MTMR7: variants seen among roughly 807,000 people sequenced by gnomAD.
The protein encoded by MTMR7 is myotubularin related protein 7, also known as phosphatidylinositol-3-phosphate phosphatase MTMR7.
In MTMR7, 76 loss-of-function variants were observed where a neutral mutation model predicts 81.2. The ratio of observed to expected loss-of-function variants is 0.94; its 90% CI spans 0.78 to 1.13. The LOEUF is 1.13. Ranked by LOEUF, MTMR7 falls within the 50% of genes most tolerant of loss-of-function variation. MTMR7 has a pLI of 0.00. For synonymous variants in MTMR7, 372 were observed against 289.8 expected (o/e 1.28, Z -2.88); for missense variants, 1,044 against 820.0 (o/e 1.27, Z -3.34).
intron 4 of MTMR7, chr8:17,349,348 G>C: frequency 3.4e-6 from 1 of 297,908 alleles, no homozygotes; most frequent in Non-Finnish European, 6.4e-6. Context: ...CTTTGTGCAA[G>C]ACCAGTGACA....
chr8:17,347,439 G>A (rs1278112337), intron 5 of MTMR7, among the ~76,000 whole-genome samples: 1 of 152,116 alleles, frequency 6.6e-6, no homozygotes, highest in East Asian at 1.9e-4. Flanking sequence ...GATGAAGCTG[G>A]CATTGCTCCA....
At chr8:17,351,607 G>A (rs1243577815) in intron 4 of MTMR7, among the ~76,000 whole-genome samples, 1 of 152,230 alleles carries the variant, frequency 6.6e-6, no homozygotes, top group African/African-American at 2.4e-5. Context: ...GTCACCAATG[G>A]CCAGGCTTGC....
intron 6 of MTMR7, among the ~76,000 whole-genome samples, chr8:17,337,312 C>A (rs1350728371): frequency 6.6e-6 from 1 of 150,524 alleles, no homozygotes; most frequent in Non-Finnish European, 1.5e-5. Context: ...TTGCAGTGAT[C>A]CGAGATCGTG....
intron 1 of MTMR7, among the ~76,000 whole-genome samples, chr8:17,400,362 G>A (rs1038615970): frequency 6.6e-6 from 1 of 152,192 alleles, no homozygotes; most frequent in African/African-American, 2.4e-5. Context: ...TTAGTGAGCT[G>A]TAAGAGGCAG....
chr8:17,386,803 T>G (rs1190729650), intron 1 of MTMR7, among the ~76,000 whole-genome samples: 1 of 152,220 alleles, frequency 6.6e-6, no homozygotes, highest in Non-Finnish European at 1.5e-5. Flanking sequence ...ATGACATGAT[T>G]TGGGTAGCTG....
At chr8:17,365,216 T>C (rs1820189306) in intron 3 of MTMR7, among the ~76,000 whole-genome samples, 2 of 152,234 alleles carry the variant, frequency 1.3e-5, no homozygotes, top group Non-Finnish European at 2.9e-5. Context: ...ATGTCTTCTT[T>C]TGAGTAATGT....
At chr8:17,334,690 T>G (rs917532694) in intron 6 of MTMR7, among the ~76,000 whole-genome samples, 4 of 152,192 alleles carry the variant, frequency 2.6e-5, no homozygotes, top group Non-Finnish European at 5.9e-5. Flanking sequence ...CCTGTTGCCT[T>G]CAGCTTAGAA....
intron 5 of MTMR7, among the ~76,000 whole-genome samples, chr8:17,347,504 G>T (rs1428693409): frequency 2.6e-5 from 4 of 152,190 alleles, no homozygotes; most frequent in Non-Finnish European, 4.4e-5. Flanking sequence ...CCCCCCGGCT[G>T]TAGGTGCAGG....
At chr8:17,326,655 C>A (rs1251743554) in intron 7 of MTMR7, 1 of 152,254 alleles carries the variant, frequency 6.6e-6, no homozygotes, top group African/African-American at 2.4e-5. Context: ...CTTGAAGAAA[C>A]AGGCTGCCAT....
chr8:17,361,371 G>A, intron 3 of MTMR7, 97 bp from the exon 4 acceptor site: 3 of 1,377,078 alleles, frequency 2.2e-6, no homozygotes, highest in Non-Finnish European at 3.0e-6. Flanking sequence ...TGCCCAGAGA[G>A]GCCATCCCAA....
rs578096817 is a variant in MTMR7, at chr8:17,401,840, T to C, written c.24+11429A>G. On this transcript the variant is annotated intron_variant, in intron 1 of 13. Transcript: ENST00000180173. The stretch of plus-strand genomic sequence containing the variant: ...CAGCTCAGTTTGGGACATAGTGAAA[T>C]TGAGGTACCTATTAGATATACAAAT... 5.3e-5 allele frequency among the ~76,000 whole-genome samples: 8 copies of C among 152,186 alleles called. No individual in the cohort carries two copies. In the East Asian group the frequency reaches 9.7e-4, roughly 18 times the overall value.
intron 10 of MTMR7, among the ~76,000 whole-genome samples, chr8:17,308,213 C>T (rs1817589474): frequency 6.6e-6 from 1 of 151,706 alleles, no homozygotes; most frequent in African/African-American, 2.4e-5. Context: ...GTATTTTTTC[C>T]TTATCAAACA....
rs1405793500 is a variant in MTMR7 at position 17,413,304 on chromosome 8, G to A, written c.-12C>T. ...CGGATGTGCTCCATGGCTGGCCCAC[G>A]TCTGCAGGGTCCCGGGCGGGCGCGG... On this transcript the variant is annotated 5_prime_UTR_variant, in exon 1 of 14. In the 5' UTR this introduces an upstream ATG that the reference lacks. Transcript: ENST00000180173. 3.2e-6 allele frequency: 5 copies of A among 1,541,216 alleles called. No homozygotes were observed. Among genetic ancestry groups the A allele is most frequent in the Middle Eastern group, 1.7e-4 (1 of 5,872 alleles).
At chr8:17,347,656 CTTT>C (rs1819599147) in intron 5 of MTMR7, among the ~76,000 whole-genome samples, 2 of 152,108 alleles carry the variant, frequency 1.3e-5, no homozygotes, top group Admixed American at 1.3e-4. Context: ...TTTAAACCAC[CTTT>C]TTTAAAGGTG....
intron 1 of MTMR7, among the ~76,000 whole-genome samples, chr8:17,390,322 G>A (rs1305334244): frequency 6.6e-6 from 1 of 151,562 alleles, no homozygotes; most frequent in Admixed American, 6.6e-5. Flanking sequence ...GAGGGAGGAG[G>A]TGCCACACTC....
intron 12 of MTMR7, among the ~76,000 whole-genome samples, chr8:17,302,993 G>C (rs750345195): frequency 1.1e-4 from 17 of 151,968 alleles, no homozygotes; most frequent in Non-Finnish European, 2.5e-4. Flanking sequence ...TTATAGGCGG[G>C]AGCCACCACG....
intron 5 of MTMR7, among the ~76,000 whole-genome samples, chr8:17,342,947 G>C (rs528357098): frequency 6.6e-6 from 1 of 152,014 alleles, no homozygotes; most frequent in East Asian, 1.9e-4. Context: ...GGATCAAGAG[G>C]GACTTGGCAA....
chr8:17,390,084 A>AG (rs77056878), intron 1 of MTMR7, among the ~76,000 whole-genome samples: 39,785 of 151,378 alleles, frequency 0.26, 6,498 homozygotes, highest in Non-Finnish European at 0.38. Context: ...AAAAAAAAAA[A>AG]AAAAGAAATC....
chr8:17,361,582 T>A (rs898680310), intron 3 of MTMR7, among the ~76,000 whole-genome samples: 3 of 152,158 alleles, frequency 2.0e-5, no homozygotes, highest in African/African-American at 2.4e-5. Flanking sequence ...CCAGACCACA[T>A]CAAATATGGA....
Sources: gnomAD v4.1 joint callset for allele counts (sites outside exome capture counted in the v4.1 genomes callset) on GRCh38, gnomAD v4.1.1 for gene constraint, MANE v1.5 for transcripts, NCBI Gene and HGNC (gene_info 2026-07-23, HGNC 2026-07-21) for gene names.